The following CACNA1G variants were observed in gnomAD, a reference collection of about 807,000 sequenced individuals.
CACNA1G encodes voltage-dependent T-type calcium channel subunit alpha-1G.
CACNA1G carries 67 observed loss-of-function variants against 219.4 expected under a neutral mutation model. The ratio of observed to expected loss-of-function variants is 0.31; its 90% CI spans 0.25 to 0.37. The LOEUF is 0.37. CACNA1G is among the 10% of genes least tolerant of loss of function. The pLI is 1.00. For synonymous variants in CACNA1G, 1,296 were observed against 1,345.3 expected (o/e 0.96, Z 0.80); for missense variants, 2,380 against 3,231.4 (o/e 0.74, Z 6.39).
rs910969943 is a variant in CACNA1G at position 50,600,182 on chromosome 17, C to G, written c.3690+323C>G. On this transcript the variant is annotated intron_variant, in intron 17 of 37. Coordinates refer to ENST00000359106, the MANE Select transcript of CACNA1G (RefSeq NM_018896.5). The surrounding 1 kb of genome is among the most constrained non-coding windows in gnomAD (Gnocchi z 4.1). ...CACTCATCTCTCCAAACTGATGCCC[C>G]GCATCCCCCTTTCTCGTCTCAACCT... 6.6e-6 allele frequency among the ~76,000 whole-genome samples: 1 copy of G among 152,176 alleles called. No homozygotes were observed. The highest frequency in any genetic ancestry group is 2.4e-5 in the African/African-American group (1 of 41,436).
At chr17:50,593,598 G>A (rs986507426) in intron 13 of CACNA1G, among the ~76,000 whole-genome samples, 3 of 152,234 alleles carry the variant, frequency 2.0e-5, no homozygotes, top group African/African-American at 4.8e-5. Context: ...GCCCTGGGGC[G>A]GCCTGGTCAC....
chr17:50,612,362 G>A (rs2049388951), intron 26 of CACNA1G, among the ~76,000 whole-genome samples: 1 of 152,230 alleles, frequency 6.6e-6, no homozygotes, highest in Admixed American at 6.5e-5. Flanking sequence ...GGCCTGACCA[G>A]AAGCCTGGGT....
intron 9 of CACNA1G, among the ~76,000 whole-genome samples, chr17:50,579,951 C>A (rs1333249386): frequency 6.6e-6 from 1 of 152,138 alleles, no homozygotes; most frequent in African/African-American, 2.4e-5. Flanking sequence ...AAGCCCGCCC[C>A]CACACCACTG....
At position 50,626,272 on chromosome 17, in the gene CACNA1G, A is replaced by C. The variant is rs2053783193; in HGVS notation, c.6655A>C (p.Thr2219Pro). Residue 2219 changes from threonine to proline, a missense_variant, in exon 38 of 38, where the codon ACG becomes CCG. Physicochemically the swap from Thr to Pro is conservative, Grantham distance 38 (BLOSUM62 -1). Transcript: ENST00000359106. This position sits in a 1 kb window ranked among gnomAD's most constrained non-coding sequence, Gnocchi z 4.3. ...GACCAGAAGCAGCTTAGAGTTGGAC[A>C]CGGAGCTGAGCTGGATTTCAGGAGA... Reference protein sequence around the residue: ...PETRSSLELDTELSWISGDLL... With the variant: ...PETRSSLELDPELSWISGDLL... 5 of 1,613,554 alleles carry C rather than the reference A, an allele frequency of 3.1e-6. No individual in the cohort carries two copies. In the East Asian group the frequency reaches 1.1e-4, roughly 36 times the overall value.
rs540574998 is a variant in CACNA1G at position 50,576,142 on chromosome 17, C to G, written c.1740C>G (p.Ser580=). The G allele has an allele frequency of 1.2e-6, 2 of 1,607,302 alleles. No individual in the cohort carries two copies. Among genetic ancestry groups the G allele is most frequent in the Middle Eastern group, 1.7e-4 (1 of 6,058 alleles). Residue 580 remains serine (S), a synonymous_variant, in exon 8 of 38, where the codon TCC becomes TCG. Transcript: ENST00000359106. ...CTCCCAGGTCCCCATCTGAGGCATC[C>G]GGCAGGACTGTGGGCAGCGGGAAGG... ...APPPRSPSEA[S]GRTVGSGKVY...
Position 50,627,012 on chromosome 17 carries a change from C to T in CACNA1G, c.*261C>T. 1.5e-6 allele frequency: 1 copy of T among 655,718 alleles called. No homozygotes were observed. Among genetic ancestry groups the T allele is most frequent in the Non-Finnish European group, 2.8e-6 (1 of 357,344 alleles). 40.6% of individuals were successfully genotyped at this position (655,718 alleles called of 1,614,324 possible). On this transcript the variant is annotated 3_prime_UTR_variant, in exon 38 of 38. Transcript: ENST00000359106. ...GACACCAGAAGCTGTTGGGAGAAAGCAATACGTTTGTGCAGAATCTCTATG... is the reference window on the plus strand; with the variant it reads ...GACACCAGAAGCTGTTGGGAGAAAGTAATACGTTTGTGCAGAATCTCTATG...
intron 1 of CACNA1G, among the ~76,000 whole-genome samples, chr17:50,568,037 T>C (rs1312232251): frequency 1.3e-5 from 2 of 152,078 alleles, no homozygotes; most frequent in Admixed American, 6.5e-5. Flanking sequence ...ACATAATGGG[T>C]CCTCAATATT....
At chr17:50,576,570 C>G (rs1167598503) in intron 8 of CACNA1G, among the ~76,000 whole-genome samples, 2 of 152,246 alleles carry the variant, frequency 1.3e-5, no homozygotes, top group African/African-American at 4.8e-5. Context: ...GCACCTGCTT[C>G]GTGCTGTTTG....
At chr17:50,589,776 G>A (rs553174325) in intron 9 of CACNA1G, among the ~76,000 whole-genome samples, 1 of 152,210 alleles carries the variant, frequency 6.6e-6, no homozygotes, top group Non-Finnish European at 1.5e-5. Context: ...ATTAACCCGG[G>A]TGTCCCGGGC....
chr17:50,609,734 T>G, intron 25 of CACNA1G, 148 bp from the exon 26 acceptor site: 1 of 644,882 alleles, frequency 1.6e-6, no homozygotes, highest in Non-Finnish European at 2.7e-6. Flanking sequence ...AGCTTCGGGC[T>G]GGACATTCAG....
intron 4 of CACNA1G, among the ~76,000 whole-genome samples, chr17:50,570,489 C>T (rs1211319774): frequency 1.3e-5 from 2 of 151,254 alleles, no homozygotes; most frequent in African/African-American, 2.4e-5. Flanking sequence ...GGGTGGTTGG[C>T]GAGGAATGCA....
chr17:50,617,996 G>A lies in CACNA1G; in HGVS notation c.5227-52G>A. 2 of 1,612,884 alleles carry A rather than the reference G, an allele frequency of 1.2e-6. No homozygotes were observed. The highest frequency in any genetic ancestry group is 1.7e-6 in the Non-Finnish European group (2 of 1,178,942). On this transcript the variant is annotated intron_variant, in intron 30 of 37. Transcript: ENST00000359106. This position sits in a 1 kb window ranked among gnomAD's most constrained non-coding sequence, Gnocchi z 5.8. ...TTCCAGAGGGAAGGGGCTCAGAGAA[G>A]CTGACTGGGAGACCCAGCGGCATCG...
intron 27 of CACNA1G, 46 bp from the exon 28 acceptor site, chr17:50,616,229 G>A (rs1033600710): frequency 2.4e-6 from 3 of 1,229,656 alleles, no homozygotes; most frequent in Admixed American, 3.5e-5. Flanking sequence ...ACAAGCCCCA[G>A]CCCTGGGCCT....
At chr17:50,611,021 TGAGGCG>T (rs1454350383) in intron 26 of CACNA1G, among the ~76,000 whole-genome samples, 5 of 152,052 alleles carry the variant, frequency 3.3e-5, no homozygotes, top group Admixed American at 1.3e-4. Context: ...TTTGGGAGGC[TGAGGCG>T]GGCAGATCAT....
intron 26 of CACNA1G, among the ~76,000 whole-genome samples, chr17:50,613,271 T>G (rs977162419): frequency 3.3e-5 from 5 of 152,236 alleles, no homozygotes; most frequent in Non-Finnish European, 7.3e-5. Context: ...GGCCTGGTAC[T>G]CTTTGGACCT....
In CACNA1G at chr17:50,573,147, C is replaced by T. The variant is rs546218602; in HGVS notation, c.1140+34C>T. ...CTCCTCAGATCCCCGTGGGGATGGGCGATCCTGGGGACACCTGTGGGGGCA... is the reference window on the plus strand; with the variant it reads ...CTCCTCAGATCCCCGTGGGGATGGGTGATCCTGGGGACACCTGTGGGGGCA... On this transcript the variant is annotated intron_variant, in intron 7 of 37. Coordinates refer to ENST00000359106, the MANE Select transcript of CACNA1G (RefSeq NM_018896.5). 181 of 1,465,118 alleles carry T rather than the reference C, an allele frequency of 1.2e-4. 1 individual carries two copies. The highest frequency in any genetic ancestry group is 9.8e-4 in the South Asian group (81 of 82,414). 90.8% of individuals were successfully genotyped at this position (1,465,118 alleles called of 1,614,324 possible). A position where few individuals can be genotyped will look rare whatever the true frequency, so the allele number is the denominator to read the frequency against.
In CACNA1G at chr17:50,560,960, A is replaced by T. The variant is rs1387852126; in HGVS notation, c.-500A>T. 1 of 213,748 alleles carries T rather than the reference A, an allele frequency of 4.7e-6. No homozygotes were observed. The highest frequency in any genetic ancestry group is 2.0e-4 in the East Asian group (1 of 4,956). 13.2% of individuals were successfully genotyped at this position (213,748 alleles called of 1,614,324 possible). A position where few individuals can be genotyped will look rare whatever the true frequency, so the allele number is the denominator to read the frequency against. ...CCCCTCCAAGCCCACCCCTAAAGAG[A>T]TCCCTCCTCCCCTCCCCCGCCGCCT... On this transcript the variant is annotated 5_prime_UTR_variant, in exon 1 of 38. Transcript: ENST00000359106.
At chr17:50,581,031 G>A (rs766502539) in intron 9 of CACNA1G, among the ~76,000 whole-genome samples, 5 of 151,496 alleles carry the variant, frequency 3.3e-5, no homozygotes, top group Admixed American at 6.6e-5. Flanking sequence ...TGGGGGAATG[G>A]GGACACAGAG....
chr17:50,566,073 TC>T (rs1438478591), intron 1 of CACNA1G, among the ~76,000 whole-genome samples: 2 of 152,128 alleles, frequency 1.3e-5, no homozygotes, highest in Non-Finnish European at 2.9e-5. Flanking sequence ...CACATGGTTT[TC>T]CCCCAACCTG....
Sources: gnomAD v4.1 joint callset for allele counts (sites outside exome capture counted in the v4.1 genomes callset) on GRCh38, gnomAD v4.1.1 for gene constraint, Gnocchi (gnomAD v3.1) non-coding constraint, MANE v1.5 for transcripts, NCBI Gene and HGNC (gene_info 2026-07-23, HGNC 2026-07-21) for gene names.